PRPF40B: variants seen among roughly 807,000 people sequenced by gnomAD.
The protein encoded by PRPF40B is pre-mRNA-processing factor 40 homolog B.
PRPF40B carries 56 observed loss-of-function variants against 124.5 expected under a neutral mutation model. The observed-to-expected ratio is 0.45, with a 90% CI of 0.36 to 0.56. PRPF40B has a LOEUF of 0.56. Ranked by LOEUF, PRPF40B falls within the 20% of genes least tolerant of loss-of-function variation. The pLI is 0.00. For missense variants in PRPF40B, 1,053 were observed against 1,169.5 expected (o/e 0.90, Z 1.45); for synonymous variants, 443 against 426.4 (o/e 1.04, Z -0.48).
At chr12:49,633,174 C>T (rs372946298) in intron 7 of PRPF40B, 50 bp downstream of exon 7, 7 of 1,485,460 alleles carry the variant, frequency 4.7e-6, no homozygotes, top group East Asian at 4.7e-5. Flanking sequence ...CTGACCCTTC[C>T]AAGTCCTTGG....
chr12:49,633,088 G>A lies in PRPF40B; in HGVS notation c.423G>A (p.Val141=). ...YYYNADDKQS[V]WEKPSVLKSK... ...ACAATGCTGACGACAAGCAGTCCGT[G>A]TGGGAGAAGCCCAGCGTGCTCAAGT... is the stretch of plus-strand genomic sequence containing the variant. The change falls in exon 7 of 26, where the codon GTG becomes GTA. Residue 141 remains valine (V), a synonymous_variant. Transcript: ENST00000548825. 3 of 1,593,154 alleles carry A rather than the reference G, an allele frequency of 1.9e-6. No homozygotes were observed. The highest frequency in any genetic ancestry group is 2.6e-6 in the Non-Finnish European group (3 of 1,170,770).
intron 23 of PRPF40B, 39 bp downstream of exon 23, chr12:49,643,436 T>TGTGGA: frequency 6.6e-7 from 1 of 1,525,558 alleles, no homozygotes; most frequent in East Asian, 2.3e-5. Flanking sequence ...GGAGAACTGT[T>TGTGGA]GTCCCAGACT....
chr12:49,643,793 G>T, intron 24 of PRPF40B, 41 bp downstream of exon 24: 1 of 1,613,664 alleles, frequency 6.2e-7, no homozygotes, highest in East Asian at 2.2e-5. Context: ...GCTATTTTGT[G>T]AGTTCTGTTC....
Position 49,641,901 on chromosome 12 carries a change from C to T in PRPF40B, c.1768-7C>T, listed in dbSNP as rs1201367009. On this transcript the variant is annotated splice_region_variant and splice_polypyrimidine_tract_variant and intron_variant, in intron 18 of 25. Coordinates refer to ENST00000548825, the MANE Select transcript of PRPF40B (RefSeq NM_001031698.3). ...TGCCCCTGCTTCATGCACTGCTGTA[C>T]CCACAGGACCGGGGCTTCTGCGTGG... 2 of 1,612,120 alleles carry T rather than the reference C, an allele frequency of 1.2e-6. No homozygotes were observed. The highest frequency in any genetic ancestry group is 1.7e-6 in the Non-Finnish European group (2 of 1,179,496).
chr12:49,629,531 G>A (rs765685364), intron 1 of PRPF40B, among the ~76,000 whole-genome samples: 17 of 152,122 alleles, frequency 1.1e-4, no homozygotes, highest in Non-Finnish European at 1.8e-4. Context: ...TTCTTCGTTC[G>A]TTCAATATTT....
Position 49,632,995 on chromosome 12 carries a change from T to TGGGGGGGCG in PRPF40B, c.349-18_349-17insGGGGGGCGG. On this transcript the variant is annotated intron_variant, in intron 6 of 25. Transcript: ENST00000548825. The stretch of plus-strand genomic sequence containing the variant: ...AAAAGGGGCCTTGACCACCATTCTG[T>TGGGGGGGCG]GCCCCCCCCCCCACCCAGAGGGCCC... The TGGGGGGGCG allele has an allele frequency of 7.3e-7, 1 of 1,365,450 alleles. No individual in the cohort carries two copies. The highest frequency in any genetic ancestry group is 1.0e-6 in the Non-Finnish European group (1 of 979,268). 84.6% of individuals were successfully genotyped at this position (1,365,450 alleles called of 1,614,324 possible). A position where few individuals can be genotyped will look rare whatever the true frequency, so the allele number is the denominator to read the frequency against.
In PRPF40B at chr12:49,632,995, T is replaced by TGGGGGGGGGGGGGGG; in HGVS notation, c.349-18_349-17insGGGGGGGGGGGGGGG. On this transcript the variant is annotated intron_variant, in intron 6 of 25. Coordinates refer to ENST00000548825, the MANE Select transcript of PRPF40B (RefSeq NM_001031698.3). Reference sequence around the variant, plus strand: ...AAAAGGGGCCTTGACCACCATTCTGTGCCCCCCCCCCCACCCAGAGGGCCC... The same window carrying TGGGGGGGGGGGGGGG: ...AAAAGGGGCCTTGACCACCATTCTGTGGGGGGGGGGGGGGGGCCCCCCCCCCCACCCAGAGGGCCC... 23 of 1,365,128 alleles carry TGGGGGGGGGGGGGGG rather than the reference T, an allele frequency of 1.7e-5. No homozygotes were observed. Among genetic ancestry groups the TGGGGGGGGGGGGGGG allele is most frequent in the East Asian group, 2.4e-5 (1 of 40,828 alleles). 84.6% of individuals were successfully genotyped at this position (1,365,128 alleles called of 1,614,324 possible).
intron 18 of PRPF40B, chr12:49,641,033 A>AG (rs1942567129): frequency 6.6e-6 from 1 of 152,256 alleles, no homozygotes; most frequent in Non-Finnish European, 1.5e-5. Context: ...AGCTATGTGG[A>AG]GGGAGAGAAA....
intron 18 of PRPF40B, 23 bp downstream of exon 18, chr12:49,637,847 A>G: frequency 6.4e-7 from 1 of 1,562,998 alleles, no homozygotes; most frequent in Non-Finnish European, 8.8e-7. Context: ...GGGGTTATGG[A>G]TGGATACAGG....
chr12:49,636,882 A>T (rs1256323629), intron 16 of PRPF40B, 33 bp downstream of exon 16: 1 of 1,612,390 alleles, frequency 6.2e-7, no homozygotes, highest in African/African-American at 1.3e-5. Flanking sequence ...ATCAGAGCTC[A>T]GCTCTGCCCT....
intron 7 of PRPF40B, 144 bp from the exon 8 acceptor site, chr12:49,633,283 A>G: frequency 1.5e-6 from 2 of 1,330,792 alleles, no homozygotes; most frequent in Non-Finnish European, 2.1e-6. Flanking sequence ...TAGGATCTCA[A>G]GAAGTCCACC....
chr12:49,642,403 C>T lies in PRPF40B; in HGVS notation c.2022+31C>T. ...GAGCGTAGCCTGGCCCCAAGCACCC[C>T]TCAAGCCTGAGGGCAGCGGTGCTTC... On this transcript the variant is annotated intron_variant, in intron 20 of 25. Coordinates refer to ENST00000548825, the MANE Select transcript of PRPF40B (RefSeq NM_001031698.3). This position sits in a 1 kb window ranked among gnomAD's most constrained non-coding sequence, Gnocchi z 5.8. The T allele has an allele frequency of 6.2e-7, 1 of 1,610,738 alleles. No homozygotes were observed. The highest frequency in any genetic ancestry group is 8.5e-7 in the Non-Finnish European group (1 of 1,178,006).
intron 16 of PRPF40B, chr12:49,637,150 C>CA (rs1941937151): frequency 3.5e-6 from 2 of 573,942 alleles, no homozygotes; most frequent in Admixed American, 3.1e-5. Context: ...ACCCGACAGG[C>CA]AGAGTTTATT....
chr12:49,639,617 C>T (rs548696733), intron 18 of PRPF40B: 3 of 151,984 alleles, frequency 2.0e-5, no homozygotes, highest in Non-Finnish European at 4.4e-5. Flanking sequence ...AGTGAAGCAG[C>T]TTGAATCTTT....
At position 49,642,321 on chromosome 12, in the gene PRPF40B, CA is replaced by C; in HGVS notation, c.1972del (p.Met658CysfsTer2). The C allele has an allele frequency of 6.2e-7, 1 of 1,614,128 alleles. No homozygotes were observed. Among genetic ancestry groups the C allele is most frequent in the East Asian group, 2.2e-5 (1 of 44,886 alleles). ...GGCGCAGGGAAGCTGCCTTTCGAAG[CA>C]TGCTGAGGCAGGCTGTGCCTGCTCT... ...MRRREAAFRS[M>X]LRQAVPALEL... is the part of the protein sequence containing the mutation. On this transcript the variant is annotated frameshift_variant, in exon 20 of 26. Transcript: ENST00000548825. LOFTEE classifies it high-confidence loss of function. This position sits in a 1 kb window ranked among gnomAD's most constrained non-coding sequence, Gnocchi z 5.8.
rs1251501773 is a variant in PRPF40B at position 49,623,610 on chromosome 12, G to C, written c.3+17G>C. On this transcript the variant is annotated intron_variant, in intron 1 of 25. Transcript: ENST00000548825. ...TCTGGCATGGTAACATCCCCGCGCGGGGGTGGAGGGGCTCGGGGCGGTCCC... is the reference window on the plus strand; with the variant it reads ...TCTGGCATGGTAACATCCCCGCGCGCGGGTGGAGGGGCTCGGGGCGGTCCC... 4 of 1,233,240 alleles carry C rather than the reference G, an allele frequency of 3.2e-6. No homozygotes were observed. Among genetic ancestry groups the C allele is most frequent in the East Asian group, 6.3e-5 (2 of 31,676 alleles). The allele number at this position is 1,233,240 out of a possible 1,614,324, so 76.4% of individuals were successfully genotyped here.
At chr12:49,628,565 T>G (rs1940937783) in intron 1 of PRPF40B, among the ~76,000 whole-genome samples, 1 of 141,290 alleles carries the variant, frequency 7.1e-6, no homozygotes. Context: ...AGGAACAGTT[T>G]TTTTTTTTTT....
rs141792408 is a variant in PRPF40B at position 49,636,000 on chromosome 12, C to G, written c.1426+7C>G. Reference sequence around the variant, plus strand: ...CAGGACCATCAGCTGCAGAGTAAGCCTGGGCCTCCAATCCCAGCTATCCCT... The same window carrying G: ...CAGGACCATCAGCTGCAGAGTAAGCGTGGGCCTCCAATCCCAGCTATCCCT... On this transcript the variant is annotated splice_region_variant and intron_variant, in intron 15 of 25. Coordinates refer to ENST00000548825, the MANE Select transcript of PRPF40B (RefSeq NM_001031698.3). This position sits in a 1 kb window ranked among gnomAD's most constrained non-coding sequence, Gnocchi z 4.1. The G allele has an allele frequency of 1.6e-4, 264 of 1,614,014 alleles. 2 individuals carry two copies. In the African/African-American group the frequency reaches 2.9e-3, roughly 18 times the overall value.
At chr12:49,632,937 T>C (rs892105064) in intron 6 of PRPF40B, 57 bp downstream of exon 6, 20 of 1,611,826 alleles carry the variant, frequency 1.2e-5, no homozygotes, top group African/African-American at 1.1e-4. Context: ...GGGGGACTGA[T>C]AGTTAAATCT....
Sources: allele counts gnomAD v4.1 joint callset (sites outside exome capture counted in the v4.1 genomes callset), GRCh38; gene constraint gnomAD v4.1.1; non-coding constraint Gnocchi (gnomAD v3.1); transcripts MANE v1.5; gene names NCBI Gene and HGNC (gene_info 2026-07-23, HGNC 2026-07-21).